The following ORC6 variants were observed in gnomAD, a reference collection of about 807,000 sequenced individuals.
The protein encoded by ORC6 is origin recognition complex subunit 6, also known as origin recognition complex, subunit 6 homolog-like (yeast).
Under a neutral mutation model 30.0 loss-of-function variants are expected in ORC6, and 31 were observed. The observed-to-expected ratio is 1.03, with a 90% CI of 0.78 to 1.40. The LOEUF (loss-of-function observed/expected upper bound fraction) is 1.40, where lower values mean the gene tolerates loss of function less well. ORC6 is among the 40% of genes most tolerant of loss of function. ORC6 has a pLI of 0.00. For synonymous variants in ORC6, 136 were observed against 111.2 expected (o/e 1.22, Z -1.40); for missense variants, 340 against 304.3 (o/e 1.12, Z -0.87).
At position 46,696,061 on chromosome 16, in the gene ORC6, A is replaced by G; in HGVS notation, c.607A>G (p.Ile203Val). The change falls in exon 6 of 7, where the codon ATA becomes GTA. Residue 203 changes from isoleucine to valine, a missense_variant. Coordinates refer to ENST00000219097, the MANE Select transcript of ORC6 (RefSeq NM_014321.4). ...TACTCCACCACGGAAGAGAAAGAAG[A>G]TAGTGGTTGAAGCCCCAGCAAAGGG... ...VATPPRKRKK[I>V]VVEAPAKEME... 1.2e-6 allele frequency: 2 copies of G among 1,613,416 alleles called. No homozygotes were observed. The highest frequency in any genetic ancestry group is 1.7e-6 in the Non-Finnish European group (2 of 1,179,274).
rs2143010633 is a variant in ORC6, at chr16:46,693,160, G to A, written c.427G>A (p.Ala143Thr). 6.2e-7 allele frequency: 1 copy of A among 1,611,786 alleles called. No homozygotes were observed. Among genetic ancestry groups the A allele is most frequent in the Non-Finnish European group, 8.5e-7 (1 of 1,177,958 alleles). The change falls in exon 4 of 7, where the codon GCT (alanine) becomes ACT (threonine). Residue 143 changes from alanine to threonine, a missense_variant. Physicochemically the swap from Ala to Thr is moderately conservative, Grantham distance 58. Coordinates refer to ENST00000219097, the MANE Select transcript of ORC6 (RefSeq NM_014321.4). ...LDLSRPLFTS[A>T]ALLSACKILK... ...CTTATCCAGGCCACTTTTCACTTCT[G>A]CTGCACTGCTTTCAGCATGCAAGTA... is the stretch of plus-strand genomic sequence containing the variant.
chr16:46,696,675 A>G (rs1387605381), intron 6 of ORC6, among the ~76,000 whole-genome samples: 1 of 151,904 alleles, frequency 6.6e-6, no homozygotes, highest in Admixed American at 6.6e-5. Flanking sequence ...TCTTTTTCTG[A>G]GACATGGCCT....
intron 5 of ORC6, 34 bp downstream of exon 5, chr16:46,695,708 G>C: frequency 7.5e-7 from 1 of 1,332,544 alleles, no homozygotes; most frequent in Non-Finnish European, 1.1e-6. Context: ...TGCGTCATTT[G>C]AAAATGTAGT....
At chr16:46,691,958 A>ACACACACACTCTGTCTCTCTCT in intron 2 of ORC6, among the ~76,000 whole-genome samples, 2 of 36,664 alleles carry the variant, frequency 5.5e-5, no homozygotes, top group East Asian at 1.8e-3. Flanking sequence ...ACACACACAC[A>ACACACACACTCTGTCTCTCTCT]CTCTCTCTCT....
chr16:46,696,127 A>G (rs893840110), intron 6 of ORC6, 42 bp downstream of exon 6: 2 of 1,376,816 alleles, frequency 1.5e-6, no homozygotes, highest in Admixed American at 1.7e-5. Context: ...CATTTTATGC[A>G]GTGAACAGCC....
intron 2 of ORC6, 105 bp from the exon 3 acceptor site, chr16:46,692,277 A>C (rs1966454614): frequency 2.0e-6 from 2 of 979,612 alleles, no homozygotes; most frequent in African/African-American, 3.3e-5. Flanking sequence ...CTTGCCACAA[A>C]ATTAATTTTG....
chr16:46,691,982 A>T (rs200180070), intron 2 of ORC6, among the ~76,000 whole-genome samples: 359 of 12,166 alleles, frequency 0.03, no homozygotes, highest in Middle Eastern at 0.15. Context: ...TCTCTCTCTC[A>T]CCACCCCGCC....
intron 4 of ORC6, 80 bp from the exon 5 acceptor site, chr16:46,695,482 A>G (rs982416840): frequency 4.5e-5 from 39 of 867,062 alleles, no homozygotes; most frequent in Non-Finnish European, 7.0e-5. Flanking sequence ...GTCAAAAAGA[A>G]AATAAGTTGA....
rs766698166 is a variant in ORC6, at chr16:46,697,801, C to G, written c.*216C>G. 1.5e-6 allele frequency: 1 copy of G among 651,384 alleles called. No homozygotes were observed. The highest frequency in any genetic ancestry group is 1.5e-5 in the South Asian group (1 of 66,306). The allele number at this position is 651,384 out of a possible 1,614,324, so 40.4% of individuals were successfully genotyped here. A position where few individuals can be genotyped will look rare whatever the true frequency, so the allele number is the denominator to read the frequency against. ...CAGCCACAGTGCCTGATTGGTATAG[C>G]CTTATGTGCTTTCCTACAAAATGGA... On this transcript the variant is annotated 3_prime_UTR_variant, in exon 7 of 7. Coordinates refer to ENST00000219097, the MANE Select transcript of ORC6 (RefSeq NM_014321.4).
chr16:46,695,512 A>G (rs1012605393), intron 4 of ORC6, 50 bp from the exon 5 acceptor site: 1 of 1,120,112 alleles, frequency 8.9e-7, no homozygotes. Context: ...TGCCCAGAGA[A>G]GAAAACTGTA....
At chr16:46,689,966 C>A in intron 1 of ORC6, 196 bp downstream of exon 1, 8 of 700,954 alleles carry the variant, frequency 1.1e-5, no homozygotes, top group Admixed American at 3.3e-5. Context: ...AGGGCGATAG[C>A]AAACGGCGAT....
Position 46,689,738 on chromosome 16 carries a change from G to C in ORC6, c.33G>C (p.Pro11=). The change falls in exon 1 of 7, where the codon CCG becomes CCC. Residue 11 remains proline (P), a synonymous_variant. Transcript: ENST00000219097. ...CGGAGCTGATCGGGCGCCTAGCCCC[G>C]CGCCTGGGCCTCGCCGAGCCCGACA... The part of the protein sequence containing the change: MGSELIGRLA[P]RLGLAEPDML... 1 of 1,602,104 alleles carries C rather than the reference G, an allele frequency of 6.2e-7. No individual in the cohort carries two copies. The highest frequency in any genetic ancestry group is 8.5e-7 in the Non-Finnish European group (1 of 1,174,742).
At chr16:46,695,925 TA>T in intron 5 of ORC6, 91 bp from the exon 6 acceptor site, 1 of 948,314 alleles carries the variant, frequency 1.1e-6, no homozygotes, top group Admixed American at 1.8e-5. Context: ...TTTGATCAGT[TA>T]AGATGTCTAA....
intron 1 of ORC6, among the ~76,000 whole-genome samples, chr16:46,690,225 ACT>A (rs1966417951): frequency 6.6e-6 from 1 of 151,826 alleles, no homozygotes; most frequent in Admixed American, 6.6e-5. Flanking sequence ...AACAAACAAA[ACT>A]CGGAAAAGCA....
At chr16:46,694,906 A>AC (rs1180415231) in intron 4 of ORC6, 2 of 152,250 alleles carry the variant, frequency 1.3e-5, no homozygotes, top group Non-Finnish European at 2.9e-5. Flanking sequence ...CTCACTACCT[A>AC]CCCACTAATT....
intron 1 of ORC6, chr16:46,690,752 T>A (rs1966426134): frequency 1.8e-6 from 1 of 559,862 alleles, no homozygotes; most frequent in African/African-American, 1.9e-5. Flanking sequence ...AGAAGGGTAA[T>A]TTTTTTGTCA....
chr16:46,698,213 A>G lies in ORC6; in HGVS notation c.*628A>G. The stretch of plus-strand genomic sequence containing the variant: ...GATAGATAGATAGATAGATAGATAG[A>G]TAAACGGAATTGGAGCCATTTTGCT... On this transcript the variant is annotated 3_prime_UTR_variant, in exon 7 of 7. Coordinates refer to ENST00000219097, the MANE Select transcript of ORC6 (RefSeq NM_014321.4). The G allele has an allele frequency of 2.2e-6, 1 of 455,408 alleles. No homozygotes were observed. Among genetic ancestry groups the G allele is most frequent in the African/African-American group, 2.0e-5 (1 of 50,114 alleles). The allele number at this position is 455,408 out of a possible 1,614,324, so 28.2% of individuals were successfully genotyped here. A position where few individuals can be genotyped will look rare whatever the true frequency, so the allele number is the denominator to read the frequency against.
chr16:46,693,050 T>G (rs866103307), intron 3 of ORC6, 43 bp from the exon 4 acceptor site: 2 of 1,292,072 alleles, frequency 1.5e-6, no homozygotes, highest in Non-Finnish European at 2.3e-6. Flanking sequence ...TCTTTTCAAA[T>G]AATATTTTCT....
Position 46,698,111 on chromosome 16 carries a change from C to T in ORC6, c.*526C>T, listed in dbSNP as rs776887926. 2.3e-6 allele frequency: 1 copy of T among 433,466 alleles called. No homozygotes were observed. The highest frequency in any genetic ancestry group is 1.6e-5 in the South Asian group (1 of 62,450). The allele number at this position is 433,466 out of a possible 1,614,324, so 26.9% of individuals were successfully genotyped here. On this transcript the variant is annotated 3_prime_UTR_variant, in exon 7 of 7. Coordinates refer to ENST00000219097, the MANE Select transcript of ORC6 (RefSeq NM_014321.4). ...GCCTGGGTGACAGAGCGAGACTTAT[C>T]TCATAAATAAATAGATAGATACTCC...
Sources: gnomAD v4.1 joint callset for allele counts (sites outside exome capture counted in the v4.1 genomes callset) on GRCh38, gnomAD v4.1.1 for gene constraint, MANE v1.5 for transcripts, NCBI Gene and HGNC (gene_info 2026-07-23, HGNC 2026-07-21) for gene names.